The following CC2D2A variants were observed in gnomAD, a reference collection of about 807,000 sequenced individuals.
The protein encoded by CC2D2A is coiled-coil and C2 domain-containing protein 2A.
In CC2D2A, 155 loss-of-function variants were observed where a neutral mutation model predicts 212.9. That is an observed-to-expected ratio of 0.73 (90% CI 0.64 to 0.83). The LOEUF is 0.83. Ranked by LOEUF, CC2D2A falls within the 40% of genes least tolerant of loss-of-function variation. The pLI, the probability that CC2D2A is intolerant of heterozygous loss-of-function variation, is 0.00. For synonymous variants in CC2D2A, 667 were observed against 686.5 expected, an observed-to-expected ratio of 0.97 and a Z score of 0.44; for missense variants, 1,856 against 1,956.2, an observed-to-expected ratio of 0.95 and a Z score of 0.97.
At chr4:15,470,685 CTCTCTATA>C (rs1234795087) in intron 1 of CC2D2A, among the ~76,000 whole-genome samples, 8 of 40,544 alleles carry the variant, frequency 2.0e-4, no homozygotes, top group African/African-American at 3.4e-4. Flanking sequence ...CTCTCTCTCT[CTCTCTATA>C]TATATATATA....
At chr4:15,533,648 T>C (rs1023704377) in intron 14 of CC2D2A, among the ~76,000 whole-genome samples, 1 of 152,236 alleles carries the variant, frequency 6.6e-6, no homozygotes, top group Admixed American at 6.5e-5. Flanking sequence ...AAGTATGTTG[T>C]GTGTATTCTT....
chr4:15,470,074 C>G lies in CC2D2A; in HGVS notation c.-19+17C>G, dbSNP rs1022905055. 4 of 152,228 alleles carry G rather than the reference C, an allele frequency of 2.6e-5. No individual in the cohort carries two copies. The highest frequency in any genetic ancestry group is 5.9e-5 in the Non-Finnish European group (4 of 68,046). 9.4% of individuals were successfully genotyped at this position (152,228 alleles called of 1,614,324 possible). On this transcript the variant is annotated intron_variant, in intron 1 of 36. Coordinates refer to ENST00000424120, the MANE Select transcript of CC2D2A (RefSeq NM_001378615.1). ...TTTCTTAAGGTAAATCAGTCCCTAACCGGACTTTAGGCTGCAACAGTGATT... is the reference window on the plus strand; with the variant it reads ...TTTCTTAAGGTAAATCAGTCCCTAAGCGGACTTTAGGCTGCAACAGTGATT...
intron 21 of CC2D2A, among the ~76,000 whole-genome samples, chr4:15,558,492 T>C (rs1018421443): frequency 1.3e-5 from 2 of 152,148 alleles, no homozygotes; most frequent in African/African-American, 4.8e-5. Context: ...TCTAGGCTTC[T>C]TTGATGTGTT....
In CC2D2A at chr4:15,579,967, G is replaced by GT. The variant is rs386833757; in HGVS notation, c.3774dup (p.Glu1259Ter). On this transcript the variant is annotated frameshift_variant and splice_region_variant. Coordinates refer to ENST00000424120, the MANE Select transcript of CC2D2A (RefSeq NM_001378615.1). LOFTEE classifies it high-confidence loss of function. ...ACTCCATGAAGTCTTTCTTTTTGAA[G>GT]TTTGAGTCTCAGGAAGATGAGAAAT... 2.0e-4 allele frequency: 329 copies of GT among 1,611,596 alleles called. No individual in the cohort carries two copies. The highest frequency in any genetic ancestry group is 2.7e-4 in the Non-Finnish European group (314 of 1,178,816).
Position 15,536,908 on chromosome 4 carries a change from A to G in CC2D2A, c.1608-12A>G. 6.2e-7 allele frequency: 1 copy of G among 1,610,814 alleles called. No homozygotes were observed. The highest frequency in any genetic ancestry group is 8.5e-7 in the Non-Finnish European group (1 of 1,178,706). On this transcript the variant is annotated splice_polypyrimidine_tract_variant and intron_variant, in intron 14 of 36. Transcript: ENST00000424120. ...TCCAGAAATAACCAAGGGACTACAA[A>G]TTATTTTAAAGGGAAAAAGCTGACC... is the stretch of plus-strand genomic sequence containing the variant.
chr4:15,508,746 G>C (rs1716397453), intron 6 of CC2D2A, among the ~76,000 whole-genome samples: 1 of 152,146 alleles, frequency 6.6e-6, no homozygotes, highest in East Asian at 1.9e-4. Context: ...TATATTGAAG[G>C]TCCCCAGTGA....
chr4:15,535,126 T>C (rs1718058598), intron 14 of CC2D2A, among the ~76,000 whole-genome samples: 1 of 152,242 alleles, frequency 6.6e-6, no homozygotes, highest in Non-Finnish European at 1.5e-5. Flanking sequence ...ATCTGCTCAG[T>C]TAATATTGGT....
intron 20 of CC2D2A, among the ~76,000 whole-genome samples, chr4:15,556,667 G>C (rs999026151): frequency 3.9e-5 from 6 of 152,206 alleles, no homozygotes; most frequent in African/African-American, 1.4e-4. Context: ...AGCCAGCAAA[G>C]CACCAAGCAG....
chr4:15,499,208 C>A (rs1361057935), intron 4 of CC2D2A, among the ~76,000 whole-genome samples: 1 of 152,132 alleles, frequency 6.6e-6, no homozygotes, highest in Non-Finnish European at 1.5e-5. Flanking sequence ...TAAGCTTTAT[C>A]CAAATCTGTA....
chr4:15,490,995 G>A (rs1445832431), intron 4 of CC2D2A, among the ~76,000 whole-genome samples: 1 of 152,106 alleles, frequency 6.6e-6, no homozygotes, highest in Non-Finnish European at 1.5e-5. Flanking sequence ...GATAGGAATT[G>A]CTCACTCGGG....
chr4:15,551,560 T>C (rs1719010232), intron 18 of CC2D2A, among the ~76,000 whole-genome samples: 1 of 152,328 alleles, frequency 6.6e-6, no homozygotes, highest in South Asian at 2.1e-4. Flanking sequence ...TCTCTTATTA[T>C]TGGAACTAAT....
rs146725587 is a variant in CC2D2A at position 15,562,560 on chromosome 4, T to C, written c.3015-795T>C. On this transcript the variant is annotated intron_variant, in intron 23 of 36. Transcript: ENST00000424120. ...ACCCCTTCCTCCTCCCTATACCTCC[T>C]CCTCTTCTTCCACCTTAATCACTGG... is the stretch of plus-strand genomic sequence containing the variant. Among the ~76,000 whole-genome samples, 382 of 152,302 alleles carry C rather than the reference T, an allele frequency of 2.5e-3. 3 individuals are homozygous for C. Among genetic ancestry groups the C allele is most frequent in the African/African-American group, 8.8e-3 (367 of 41,574 alleles).
chr4:15,579,759 T>C (rs1720572732), intron 29 of CC2D2A, among the ~76,000 whole-genome samples: 1 of 152,206 alleles, frequency 6.6e-6, no homozygotes, highest in Non-Finnish European at 1.5e-5. Flanking sequence ...TCCTGTCAAA[T>C]ATATTTTAAG....
chr4:15,596,913 AAT>A (rs1230388335), intron 34 of CC2D2A, among the ~76,000 whole-genome samples: 4 of 152,222 alleles, frequency 2.6e-5, no homozygotes, highest in Non-Finnish European at 4.4e-5. Flanking sequence ...GCCCTCTAAA[AAT>A]ATGTTTGTTG....
intron 14 of CC2D2A, among the ~76,000 whole-genome samples, chr4:15,534,419 T>C (rs1417101787): frequency 1.3e-5 from 2 of 152,250 alleles, no homozygotes; most frequent in East Asian, 3.8e-4. Context: ...TTGTCTCCTA[T>C]AACCTTTATA....
In CC2D2A at chr4:15,509,031, G is replaced by T. The variant is rs187087204; in HGVS notation, c.439-1108G>T. Among the ~76,000 whole-genome samples the T allele has an allele frequency of 2.4e-3, 372 of 152,216 alleles. 3 individuals carry two copies. Among genetic ancestry groups the T allele is most frequent in the African/African-American group, 8.6e-3 (355 of 41,518 alleles). On this transcript the variant is annotated intron_variant, in intron 6 of 36. Transcript: ENST00000424120. ...AAGAAGTTGGAAACAGCACCTTGCA[G>T]ATTAGCTTTCAGAGGCAAAAGGGAA...
chr4:15,541,645 C>T (rs1045089636), intron 17 of CC2D2A, among the ~76,000 whole-genome samples: 2 of 152,168 alleles, frequency 1.3e-5, no homozygotes, highest in South Asian at 4.2e-4. Context: ...CAACATCACC[C>T]TCTACAAGGA....
intron 33 of CC2D2A, among the ~76,000 whole-genome samples, chr4:15,590,942 C>T (rs1418011595): frequency 6.6e-6 from 1 of 151,948 alleles, no homozygotes; most frequent in East Asian, 1.9e-4. Context: ...TGACTAGGCT[C>T]ATCTCCAACT....
rs4280723 is a variant in CC2D2A, at chr4:15,574,095, C to G, written c.3595-55C>G. 0.71 allele frequency: 1,012,962 copies of G among 1,429,718 alleles called. 360,106 individuals carry two copies. The highest frequency in any genetic ancestry group is 0.78 in the Admixed American group (33,174 of 42,788). The allele number at this position is 1,429,718 out of a possible 1,614,324, so 88.6% of individuals were successfully genotyped here. A position where few individuals can be genotyped will look rare whatever the true frequency, so the allele number is the denominator to read the frequency against. Reference sequence around the variant, plus strand: ...CAATGAGGAGTTGACACTTGCCTCTCAACTTCTGTTGGAAAAAGCATCAGG... The same window carrying G: ...CAATGAGGAGTTGACACTTGCCTCTGAACTTCTGTTGGAAAAAGCATCAGG... On this transcript the variant is annotated intron_variant, in intron 28 of 36. Transcript: ENST00000424120.
Sources: gnomAD v4.1 joint callset for allele counts (sites outside exome capture counted in the v4.1 genomes callset) on GRCh38, gnomAD v4.1.1 for gene constraint, MANE v1.5 for transcripts, NCBI Gene and HGNC (gene_info 2026-07-23, HGNC 2026-07-21) for gene names.